IGSF11: variants seen among roughly 807,000 people sequenced by gnomAD.
IGSF11 encodes CXADR like 1.
A neutral mutation model predicts 41.0 loss-of-function variants in IGSF11; 22 were observed. That is an observed-to-expected ratio of 0.54 (90% CI 0.38 to 0.77). The LOEUF is 0.77. Ranked by LOEUF, IGSF11 falls within the 30% of genes least tolerant of loss-of-function variation. IGSF11 has a pLI of 0.00. For synonymous variants in IGSF11, 219 were observed against 201.3 expected (o/e 1.09, Z -0.74); for missense variants, 444 against 530.8 (o/e 0.84, Z 1.61).
chr3:119,056,633 C>T (rs1102576), intron 1 of IGSF11, among the ~76,000 whole-genome samples: 66,573 of 151,930 alleles, frequency 0.44, 14,732 homozygotes, highest in Non-Finnish European at 0.49. Flanking sequence ...GAGGCCAGCA[C>T]CATCCTGATA....
In IGSF11 at chr3:118,932,685, G is replaced by A. The variant is rs11921594; in HGVS notation, c.53-2410C>T. ...TACCTCATAAGGTAGAAATGGGTTA[G>A]AGAATGTATTTGTTATAGTGATATG... On this transcript the variant is annotated intron_variant, in intron 1 of 6. Coordinates refer to ENST00000393775, the MANE Select transcript of IGSF11 (RefSeq NM_001015887.3). 5.3e-5 allele frequency among the ~76,000 whole-genome samples: 8 copies of A among 152,312 alleles called. No homozygotes were observed. In the East Asian group the frequency reaches 9.6e-4, roughly 18 times the overall value.
chr3:118,925,962 G>A (rs891167087), intron 4 of IGSF11, 139 bp downstream of exon 4: 43 of 507,496 alleles, frequency 8.5e-5, no homozygotes, highest in Non-Finnish European at 1.3e-4. Flanking sequence ...CTTTAAATTT[G>A]AAAACACAAA....
intron 1 of IGSF11, among the ~76,000 whole-genome samples, chr3:119,058,136 AC>A (rs1238446879): frequency 6.6e-6 from 1 of 152,176 alleles, no homozygotes; most frequent in Non-Finnish European, 1.5e-5. Flanking sequence ...ATCTAATTAA[AC>A]TCAAGAGCTT....
At chr3:119,034,849 C>A, upstream of IGSF11, 1 of 1,221,602 alleles carries the variant, frequency 8.2e-7, no homozygotes, top group Non-Finnish European at 1.0e-6. Flanking sequence ...CCAGGACTAG[C>A]CGACCCCTCG....
chr3:119,015,632 G>C (rs1164981012), intron 1 of IGSF11, among the ~76,000 whole-genome samples: 1 of 151,938 alleles, frequency 6.6e-6, no homozygotes, highest in Non-Finnish European at 1.5e-5. Context: ...TGCTGCCTTA[G>C]ATGTTGTTAC....
intron 1 of IGSF11, among the ~76,000 whole-genome samples, chr3:119,134,328 C>A (rs2077526406): frequency 6.6e-6 from 1 of 152,138 alleles, no homozygotes; most frequent in Non-Finnish European, 1.5e-5. Context: ...ATCGTCTCAG[C>A]CCAAAATCTC....
At chr3:119,039,199 A>T (rs966698405), upstream of IGSF11, among the ~76,000 whole-genome samples, 2 of 152,224 alleles carry the variant, frequency 1.3e-5, no homozygotes, top group Non-Finnish European at 2.9e-5. Flanking sequence ...AAAACAACAC[A>T]AATGTGTTAT....
Position 119,034,712 on chromosome 3 carries a change from C to G in IGSF11, c.-130G>C, listed in dbSNP as rs1044662002. On this transcript the variant is annotated 5_prime_UTR_variant, in exon 1 of 7. Coordinates refer to ENST00000393775, the MANE Select transcript of IGSF11 (RefSeq NM_001015887.3). The stretch of plus-strand genomic sequence containing the variant: ...CACCCAGCGCCGGGCCGCTGTTCCC[C>G]GCGCAGAGCTGGGACTGTCAGACCC... 1.4e-5 allele frequency: 20 copies of G among 1,381,678 alleles called. No individual in the cohort carries two copies. The highest frequency in any genetic ancestry group is 1.7e-5 in the Non-Finnish European group (18 of 1,062,880). The allele number at this position is 1,381,678 out of a possible 1,614,324, so 85.6% of individuals were successfully genotyped here. A position where few individuals can be genotyped will look rare whatever the true frequency, so the allele number is the denominator to read the frequency against.
At chr3:118,992,416 T>G (rs947957844) in intron 1 of IGSF11, among the ~76,000 whole-genome samples, 1 of 152,236 alleles carries the variant, frequency 6.6e-6, no homozygotes, top group Non-Finnish European at 1.5e-5. Flanking sequence ...TTAGATGGCG[T>G]TCTTTAAACA....
intron 1 of IGSF11, among the ~76,000 whole-genome samples, chr3:119,143,369 A>G (rs1284444240): frequency 6.6e-6 from 1 of 152,200 alleles, no homozygotes; most frequent in East Asian, 1.9e-4. Flanking sequence ...AGGGTTTTGT[A>G]TACCATTGAA....
chr3:119,109,664 T>C (rs1170020777), upstream of IGSF11, among the ~76,000 whole-genome samples: 4 of 152,214 alleles, frequency 2.6e-5, no homozygotes, highest in Non-Finnish European at 5.9e-5. Flanking sequence ...CTTGTCTAGT[T>C]CTTTTAATTG....
intron 1 of IGSF11, among the ~76,000 whole-genome samples, chr3:119,140,974 C>A (rs2077639251): frequency 1.4e-5 from 2 of 145,540 alleles, no homozygotes; most frequent in South Asian, 4.3e-4. Flanking sequence ...ACCCAGGAGG[C>A]AGAGGTTGCA....
chr3:119,138,841 G>T (rs967955749), intron 1 of IGSF11, among the ~76,000 whole-genome samples: 2 of 152,232 alleles, frequency 1.3e-5, no homozygotes, highest in South Asian at 4.1e-4. Flanking sequence ...CATGGAGCTA[G>T]AGAGTAGAAG....
intron 1 of IGSF11, among the ~76,000 whole-genome samples, chr3:119,061,696 C>T (rs1942056263): frequency 6.6e-6 from 1 of 152,108 alleles, no homozygotes; most frequent in Non-Finnish European, 1.5e-5. Flanking sequence ...GATATACTTT[C>T]ACGGGAACCC....
At chr3:118,906,094 C>G (rs1939559874) in intron 4 of IGSF11, among the ~76,000 whole-genome samples, 1 of 152,124 alleles carries the variant, frequency 6.6e-6, no homozygotes, top group Admixed American at 6.5e-5. Context: ...TCATGTTAAA[C>G]TTATAATAAC....
chr3:119,130,926 C>A (rs1576834425), intron 1 of IGSF11, among the ~76,000 whole-genome samples: 1 of 152,292 alleles, frequency 6.6e-6, no homozygotes, highest in South Asian at 2.1e-4. Flanking sequence ...CTGGAGTGGA[C>A]CCCCAGCAAA....
In IGSF11 at chr3:119,049,634, A is replaced by G. The variant is rs1315758398; in HGVS notation, c.49+55510T>C. On this transcript the variant is annotated intron_variant, in intron 1 of 6. Coordinates refer to the IGSF11 transcript ENST00000354673. Reference sequence around the variant, plus strand: ...AGCTACCAATGACTTTCTTCACAGAATTGGAAAAAACTACTTTAAAGTTCA... The same window carrying G: ...AGCTACCAATGACTTTCTTCACAGAGTTGGAAAAAACTACTTTAAAGTTCA... Among the ~76,000 whole-genome samples, 26 of 152,252 alleles carry G rather than the reference A, an allele frequency of 1.7e-4. No homozygotes were observed. In the South Asian group the frequency reaches 5.4e-3, roughly 32 times the overall value.
At chr3:118,903,477 A>G (rs2107463660) in intron 6 of IGSF11, among the ~76,000 whole-genome samples, 1 of 152,256 alleles carries the variant, frequency 6.6e-6, no homozygotes, top group East Asian at 1.9e-4. Context: ...AAATCAAACT[A>G]TAGGTATGCA....
intron 1 of IGSF11, among the ~76,000 whole-genome samples, chr3:118,967,615 T>A (rs1271316520): frequency 6.6e-6 from 1 of 152,094 alleles, no homozygotes; most frequent in Non-Finnish European, 1.5e-5. Flanking sequence ...GAATTCAACT[T>A]AGAAATTCAG....
Sources: gnomAD v4.1 joint callset for allele counts (sites outside exome capture counted in the v4.1 genomes callset) on GRCh38, gnomAD v4.1.1 for gene constraint, MANE v1.5 for transcripts, NCBI Gene and HGNC (gene_info 2026-07-23, HGNC 2026-07-21) for gene names.